MIP: variants seen among roughly 807,000 people sequenced by gnomAD.
The protein encoded by MIP is major intrinsic protein of lens fiber.
A neutral mutation model predicts 21.8 loss-of-function variants in MIP; 14 were observed. The ratio of observed to expected loss-of-function variants is 0.64; its 90% CI spans 0.42 to 1.00. The LOEUF (loss-of-function observed/expected upper bound fraction) is 1.00. Ranked by LOEUF, MIP falls within the 50% of genes least tolerant of loss-of-function variation. The probability of loss-of-function intolerance (pLI) is 0.00; values close to 1 mark genes in which losing one functional copy is unlikely to be tolerated. For missense variants in MIP, 260 were observed against 333.5 expected (o/e 0.78, Z 1.72); for synonymous variants, 133 against 141.4 (o/e 0.94, Z 0.42).
chr12:56,455,861 C>T (rs1346069078), upstream of MIP, among the ~76,000 whole-genome samples: 11 of 152,122 alleles, frequency 7.2e-5, no homozygotes, highest in Admixed American at 3.9e-4. Flanking sequence ...GAATGGTGCC[C>T]AGCATGGGTC....
At chr12:56,456,364 C>T (rs187168553), upstream of MIP, among the ~76,000 whole-genome samples, 5 of 152,244 alleles carry the variant, frequency 3.3e-5, no homozygotes, top group Admixed American at 2.0e-4. Flanking sequence ...CAGCTGGGTG[C>T]GGTGGCTCAC....
At chr12:56,452,434 A>G (rs1868650062) in intron 3 of MIP, among the ~76,000 whole-genome samples, 1 of 152,206 alleles carries the variant, frequency 6.6e-6, no homozygotes, top group Admixed American at 6.5e-5. Context: ...ACTGAGGAAC[A>G]CTTGGGTTGC....
rs1194288551 is a variant in MIP at position 56,450,034 on chromosome 12, C to T, written c.*1246G>A. 1 of 38,122 alleles carries T rather than the reference C, an allele frequency of 2.6e-5. No individual in the cohort carries two copies. Among genetic ancestry groups the T allele is most frequent in the African/African-American group, 4.9e-5 (1 of 20,516 alleles). The allele number at this position is 38,122 out of a possible 1,614,324, so 2.4% of individuals were successfully genotyped here. ...TCCAACCTGGTCAACATAGTAAGACCCCCTCTCAAAAAAAAAAAGAAGATA... is the reference window on the plus strand; with the variant it reads ...TCCAACCTGGTCAACATAGTAAGACTCCCTCTCAAAAAAAAAAAGAAGATA... On this transcript the variant is annotated 3_prime_UTR_variant, in exon 4 of 4. Transcript: ENST00000652304.
At chr12:56,456,292 G>C (rs1033563265), upstream of MIP, among the ~76,000 whole-genome samples, 1 of 152,172 alleles carries the variant, frequency 6.6e-6, no homozygotes, top group South Asian at 2.1e-4. Context: ...ATGGTGTTAA[G>C]AGCAGAGATT....
chr12:56,450,996 A>C lies in MIP; in HGVS notation c.*284T>G. 1 of 444,144 alleles carries C rather than the reference A, an allele frequency of 2.3e-6. No individual in the cohort carries two copies. Among genetic ancestry groups the C allele is most frequent in the Non-Finnish European group, 4.1e-6 (1 of 242,694 alleles). 27.5% of individuals were successfully genotyped at this position (444,144 alleles called of 1,614,324 possible). A position where few individuals can be genotyped will look rare whatever the true frequency, so the allele number is the denominator to read the frequency against. Reference sequence around the variant, plus strand: ...TTTGCTTCCTTAGCTCTCATGCCCCAAAACTCAGACACAGCCACACTCACA... The same window carrying C: ...TTTGCTTCCTTAGCTCTCATGCCCCCAAACTCAGACACAGCCACACTCACA... On this transcript the variant is annotated 3_prime_UTR_variant, in exon 4 of 4. Coordinates refer to ENST00000652304, the MANE Select transcript of MIP (RefSeq NM_012064.4).
intron 3 of MIP, among the ~76,000 whole-genome samples, chr12:56,452,180 C>T (rs1868642371): frequency 6.6e-6 from 1 of 152,196 alleles, no homozygotes; most frequent in African/African-American, 2.4e-5. Context: ...AAACAACTGC[C>T]TATTCCACCC....
At chr12:56,453,499 C>G in intron 2 of MIP, 92 bp downstream of exon 2, 2 of 1,396,082 alleles carry the variant, frequency 1.4e-6, no homozygotes, top group Non-Finnish European at 2.0e-6. Flanking sequence ...TCATGTTTGA[C>G]AGTGAAGTAG....
rs928039820 is a variant in MIP at position 56,454,587 on chromosome 12, A to G, written c.27T>C (p.Phe9=). The change falls in exon 1 of 4, where the codon TTT becomes TTC. Residue 9 remains phenylalanine (F), a synonymous_variant. Transcript: ENST00000652304. The part of the protein sequence containing the change: MWELRSAS[F]WRAIFAEFFA... Reference sequence around the variant, plus strand: ...AGAACTCAGCGAATATGGCCCTCCAAAAGGAGGCTGATCGCAGTTCCCACA... The same window carrying G: ...AGAACTCAGCGAATATGGCCCTCCAGAAGGAGGCTGATCGCAGTTCCCACA... 2 of 1,614,150 alleles carry G rather than the reference A, an allele frequency of 1.2e-6. No individual in the cohort carries two copies. Among genetic ancestry groups the G allele is most frequent in the African/African-American group, 2.7e-5 (2 of 75,054 alleles).
In MIP at chr12:56,454,649, T is replaced by C; in HGVS notation, c.-36A>G. ...ATGGTCACAGTGCCTGGGTCCCTGCTACCCCCATGGCCTTGTCTGGGTGGA... is the reference window on the plus strand; with the variant it reads ...ATGGTCACAGTGCCTGGGTCCCTGCCACCCCCATGGCCTTGTCTGGGTGGA... On this transcript the variant is annotated 5_prime_UTR_variant, in exon 1 of 4. Coordinates refer to ENST00000652304, the MANE Select transcript of MIP (RefSeq NM_012064.4). 1 of 1,612,600 alleles carries C rather than the reference T, an allele frequency of 6.2e-7. No individual in the cohort carries two copies. The highest frequency in any genetic ancestry group is 8.5e-7 in the Non-Finnish European group (1 of 1,179,768).
At position 56,451,259 on chromosome 12, in the gene MIP, C is replaced by G; in HGVS notation, c.*21G>C. The G allele has an allele frequency of 1.9e-6, 3 of 1,611,784 alleles. No individual in the cohort carries two copies. Among genetic ancestry groups the G allele is most frequent in the Non-Finnish European group, 2.5e-6 (3 of 1,179,110 alleles). ...CACGTAAACTCAGAAGCTTTCTACT[C>G]CCTCTATTCAGCTGGAGCTTCTACA... On this transcript the variant is annotated 3_prime_UTR_variant, in exon 4 of 4. Coordinates refer to ENST00000652304, the MANE Select transcript of MIP (RefSeq NM_012064.4).
rs1868694140 is a variant in MIP at position 56,453,696 on chromosome 12, C to T, written c.420G>A (p.Gln140=). The T allele has an allele frequency of 6.2e-7, 1 of 1,614,152 alleles. No individual in the cohort carries two copies. The highest frequency in any genetic ancestry group is 8.5e-7 in the Non-Finnish European group (1 of 1,180,012). The change falls in exon 2 of 4, where the codon CAG becomes CAA. Residue 140 remains glutamine, a synonymous_variant. Transcript: ENST00000652304. ...ATTVEIFLTL[Q]FVLCIFATYD... is the part of the protein sequence containing the mutation. The stretch of plus-strand genomic sequence containing the variant: ...ATGTGGCAAAGATGCAGAGCACGAA[C>T]TGGAGCGTCAGGAAGATCTCCACTG...
rs137926387 is a variant in MIP at position 56,450,789 on chromosome 12, T to G, written c.*491A>C. ...CCCTTCTCCTAACCCTTGGAAGCCTTGTCTCCTCCACTTCTCTCCATCTGC... is the reference window on the plus strand; with the variant it reads ...CCCTTCTCCTAACCCTTGGAAGCCTGGTCTCCTCCACTTCTCTCCATCTGC... On this transcript the variant is annotated 3_prime_UTR_variant, in exon 4 of 4. Coordinates refer to ENST00000652304, the MANE Select transcript of MIP (RefSeq NM_012064.4). 2.2e-3 allele frequency: 372 copies of G among 167,844 alleles called. 1 individual carries two copies. The highest frequency in any genetic ancestry group is 4.2e-3 in the Admixed American group (75 of 17,674). 10.4% of individuals were successfully genotyped at this position (167,844 alleles called of 1,614,324 possible). A position where few individuals can be genotyped will look rare whatever the true frequency, so the allele number is the denominator to read the frequency against.
rs150017493 is a variant in MIP, at chr12:56,454,572, G to A, written c.42C>T (p.Phe14=). 1.4e-4 allele frequency: 230 copies of A among 1,613,994 alleles called. No individual in the cohort carries two copies. Among genetic ancestry groups the A allele is most frequent in the Non-Finnish European group, 1.8e-4 (213 of 1,180,000 alleles). ...LRSASFWRAI[F]AEFFATLFYV... is the part of the protein sequence containing the mutation. ...AGAAGAGGGTGGCAAAGAACTCAGC[G>A]AATATGGCCCTCCAAAAGGAGGCTG... Residue 14 remains phenylalanine, a synonymous_variant, in exon 1 of 4, where the codon TTC becomes TTT. Transcript: ENST00000652304.
At position 56,450,330 on chromosome 12, in the gene MIP, A is replaced by G. The variant is rs767513756; in HGVS notation, c.*950T>C. Reference sequence around the variant, plus strand: ...TCATGCCCCCTACTACCACCCGTTCATTTATTTGCTCCAGGAATCAGATTT... The same window carrying G: ...TCATGCCCCCTACTACCACCCGTTCGTTTATTTGCTCCAGGAATCAGATTT... On this transcript the variant is annotated 3_prime_UTR_variant, in exon 4 of 4. Transcript: ENST00000652304. 6.6e-6 allele frequency: 1 copy of G among 152,160 alleles called. No individual in the cohort carries two copies. The highest frequency in any genetic ancestry group is 1.5e-5 in the Non-Finnish European group (1 of 68,040). The allele number at this position is 152,160 out of a possible 1,614,324, so 9.4% of individuals were successfully genotyped here. A position where few individuals can be genotyped will look rare whatever the true frequency, so the allele number is the denominator to read the frequency against.
chr12:56,452,229 C>T (rs556236207), intron 3 of MIP, among the ~76,000 whole-genome samples: 4 of 152,090 alleles, frequency 2.6e-5, no homozygotes, highest in Non-Finnish European at 5.9e-5. Flanking sequence ...TTCTACTTTG[C>T]GTCTGTGAAT....
In MIP at chr12:56,454,651, C is replaced by A. The variant is rs765705536; in HGVS notation, c.-38G>T. 2.5e-6 allele frequency: 4 copies of A among 1,612,322 alleles called. No individual in the cohort carries two copies. The highest frequency in any genetic ancestry group is 3.4e-6 in the Non-Finnish European group (4 of 1,179,654). On this transcript the variant is annotated 5_prime_UTR_variant, in exon 1 of 4. Transcript: ENST00000652304. ...GGTCACAGTGCCTGGGTCCCTGCTA[C>A]CCCCATGGCCTTGTCTGGGTGGACA...
At position 56,449,510 on chromosome 12, in the gene MIP, A is replaced by C. The variant is rs771470375; in HGVS notation, c.*1770T>G. On this transcript the variant is annotated 3_prime_UTR_variant, in exon 4 of 4. Transcript: ENST00000652304. ...AAGGAAGGAAAAGGGAAGCGAGTGC[A>C]GGGACTGTTTTATGTGAGGTCGATC... is the stretch of plus-strand genomic sequence containing the variant. 6.6e-5 allele frequency: 10 copies of C among 152,396 alleles called. No homozygotes were observed. Among genetic ancestry groups the C allele is most frequent in the Non-Finnish European group, 1.5e-4 (10 of 68,056 alleles). 9.4% of individuals were successfully genotyped at this position (152,396 alleles called of 1,614,324 possible). A position where few individuals can be genotyped will look rare whatever the true frequency, so the allele number is the denominator to read the frequency against.
chr12:56,455,258 G>T (rs1041661435), upstream of MIP, among the ~76,000 whole-genome samples: 2 of 152,118 alleles, frequency 1.3e-5, no homozygotes, highest in Admixed American at 6.6e-5. Flanking sequence ...CTTTCTCTGA[G>T]CCCGGGTTCC....
chr12:56,455,788 A>G (rs1868774273), upstream of MIP, among the ~76,000 whole-genome samples: 1 of 152,194 alleles, frequency 6.6e-6, no homozygotes, highest in Non-Finnish European at 1.5e-5. Flanking sequence ...GTGGCAAGTC[A>G]TACCGGCCAC....
Sources: gnomAD v4.1 joint callset for allele counts (sites outside exome capture counted in the v4.1 genomes callset) on GRCh38, gnomAD v4.1.1 for gene constraint, MANE v1.5 for transcripts, NCBI Gene and HGNC (gene_info 2026-07-23, HGNC 2026-07-21) for gene names.